The following INPP4B variants were observed in gnomAD, a reference collection of about 807,000 sequenced individuals.
INPP4B encodes the protein inositol polyphosphate-4-phosphatase type II B.
Under a neutral mutation model 122.5 loss-of-function variants are expected in INPP4B, and 55 were observed. The observed-to-expected ratio is 0.45, with a 90% CI of 0.36 to 0.56. INPP4B has a LOEUF of 0.56. INPP4B is among the 20% of genes least tolerant of loss of function. The probability of loss-of-function intolerance (pLI) is 0.00; values close to 1 mark genes in which losing one functional copy is unlikely to be tolerated. For missense variants in INPP4B, 1,000 were observed against 1,097.7 expected, an observed-to-expected ratio of 0.91 and a Z score of 1.26; for synonymous variants, 403 against 388.7, an observed-to-expected ratio of 1.04 and a Z score of -0.43.
intron 23 of INPP4B, among the ~76,000 whole-genome samples, chr4:142,102,964 T>A (rs1231329183): frequency 1.3e-5 from 2 of 152,172 alleles, no homozygotes; most frequent in African/African-American, 4.8e-5. Flanking sequence ...GTTCAGCTTA[T>A]GTTTTAATTT....
At chr4:142,643,582 T>C (rs1003957620) in intron 2 of INPP4B, among the ~76,000 whole-genome samples, 1 of 152,166 alleles carries the variant, frequency 6.6e-6, no homozygotes, top group Non-Finnish European at 1.5e-5. Flanking sequence ...AATTTTTCTA[T>C]ATTTTGCTAT....
intron 17 of INPP4B, among the ~76,000 whole-genome samples, chr4:142,156,133 A>C (rs1472835361): frequency 6.6e-6 from 1 of 151,808 alleles, no homozygotes; most frequent in Non-Finnish European, 1.5e-5. Flanking sequence ...ATCAATTAAA[A>C]ATGGGTTTTG....
At chr4:142,384,327 G>A (rs146290951) in intron 7 of INPP4B, among the ~76,000 whole-genome samples, 16 of 152,234 alleles carry the variant, frequency 1.1e-4, no homozygotes, top group Admixed American at 2.6e-4. Context: ...TGAGAAATGC[G>A]TCATTAGGAG....
intron 16 of INPP4B, among the ~76,000 whole-genome samples, chr4:142,162,628 C>T (rs984133339): frequency 2.6e-5 from 4 of 151,888 alleles, no homozygotes; most frequent in Non-Finnish European, 4.4e-5. Context: ...TATTCATTCA[C>T]ACTCAATGAA....
chr4:142,322,284 TA>T (rs771604908), intron 7 of INPP4B, among the ~76,000 whole-genome samples: 242 of 148,338 alleles, frequency 1.6e-3, no homozygotes, highest in Non-Finnish European at 2.8e-3. Flanking sequence ...TCAGTTAATC[TA>T]AAAAAAAAAC....
At chr4:142,818,085 G>C (rs1780337870) in intron 1 of INPP4B, among the ~76,000 whole-genome samples, 1 of 152,100 alleles carries the variant, frequency 6.6e-6, no homozygotes, top group Non-Finnish European at 1.5e-5. Flanking sequence ...AGAATAGTAA[G>C]GAAATGGAAC....
chr4:142,653,169 T>C (rs550756172), intron 2 of INPP4B, among the ~76,000 whole-genome samples: 30 of 152,304 alleles, frequency 2.0e-4, no homozygotes, highest in African/African-American at 6.7e-4. Context: ...TGGCTAGCCA[T>C]ATGCAGAAAG....
At chr4:142,062,201 A>C (rs1761272892) in intron 25 of INPP4B, among the ~76,000 whole-genome samples, 1 of 152,048 alleles carries the variant, frequency 6.6e-6, no homozygotes, top group Non-Finnish European at 1.5e-5. Flanking sequence ...AGGCGCACCA[A>C]GGGAACATCC....
chr4:142,161,880 T>C (rs987542646), intron 16 of INPP4B, among the ~76,000 whole-genome samples: 1 of 151,924 alleles, frequency 6.6e-6, no homozygotes, highest in Non-Finnish European at 1.5e-5. Context: ...TAGGGAATAC[T>C]GCGTATTGGC....
chr4:142,104,366 T>G (rs962021171), intron 23 of INPP4B, among the ~76,000 whole-genome samples: 2 of 152,108 alleles, frequency 1.3e-5, no homozygotes, highest in East Asian at 3.9e-4. Flanking sequence ...ATGCTTTAGG[T>G]AGGCACAAAA....
At chr4:142,546,611 A>C (rs1829677058) in intron 2 of INPP4B, among the ~76,000 whole-genome samples, 1 of 152,160 alleles carries the variant, frequency 6.6e-6, no homozygotes, top group Non-Finnish European at 1.5e-5. Context: ...AGATATTCTA[A>C]GAGTCAAGCC....
At chr4:142,138,757 G>A (rs1446811064) in intron 18 of INPP4B, among the ~76,000 whole-genome samples, 1 of 152,022 alleles carries the variant, frequency 6.6e-6, no homozygotes, top group African/African-American at 2.4e-5. Flanking sequence ...GAATGTAAAA[G>A]TTCATCAAAG....
intron 21 of INPP4B, among the ~76,000 whole-genome samples, chr4:142,116,902 G>C (rs1337740414): frequency 6.6e-6 from 1 of 152,032 alleles, no homozygotes; most frequent in Non-Finnish European, 1.5e-5. Flanking sequence ...CAACAATATT[G>C]ACAGACCGGT....
At chr4:142,504,571 A>G (rs951282910) in intron 2 of INPP4B, among the ~76,000 whole-genome samples, 1 of 152,198 alleles carries the variant, frequency 6.6e-6, no homozygotes, top group Non-Finnish European at 1.5e-5. Flanking sequence ...AAAAATAAAC[A>G]CAAAGACAAA....
intron 2 of INPP4B, among the ~76,000 whole-genome samples, chr4:142,645,243 C>T (rs978003288): frequency 1.3e-5 from 2 of 152,046 alleles, no homozygotes; most frequent in Non-Finnish European, 2.9e-5. Context: ...AAAAGAAATG[C>T]TCTATCAACT....
intron 7 of INPP4B, among the ~76,000 whole-genome samples, chr4:142,393,858 A>G (rs1342767197): frequency 6.6e-6 from 1 of 152,230 alleles, no homozygotes; most frequent in Non-Finnish European, 1.5e-5. Context: ...TTTCTTGTCT[A>G]TAAACCTTTT....
At chr4:142,589,927 T>C (rs1272149484) in intron 2 of INPP4B, among the ~76,000 whole-genome samples, 1 of 152,044 alleles carries the variant, frequency 6.6e-6, no homozygotes, top group African/African-American at 2.4e-5. Flanking sequence ...CTATGAAATA[T>C]AAAATGAGAT....
chr4:142,093,062 T>C (rs1780273583), intron 23 of INPP4B, among the ~76,000 whole-genome samples: 1 of 152,164 alleles, frequency 6.6e-6, no homozygotes, highest in Admixed American at 6.5e-5. Flanking sequence ...TCCTGCCTGA[T>C]AATTCTCTTG....
At chr4:142,221,761 G>T (rs931794061) in intron 12 of INPP4B, among the ~76,000 whole-genome samples, 8 of 152,170 alleles carry the variant, frequency 5.3e-5, no homozygotes, top group Non-Finnish European at 1.2e-4. Flanking sequence ...ACATGTAGCT[G>T]TTCGGTACTT....
Sources: allele counts gnomAD v4.1 joint callset (sites outside exome capture counted in the v4.1 genomes callset), GRCh38; gene constraint gnomAD v4.1.1; transcripts MANE v1.5; gene names NCBI Gene and HGNC (gene_info 2026-07-23, HGNC 2026-07-21).